Variants in VWC2L observed in about 807,000 individuals in gnomAD.
VWC2L encodes von Willebrand factor C domain-containing protein 2-like.
A neutral mutation model predicts 21.6 loss-of-function variants in VWC2L; 10 were observed. The observed-to-expected ratio is 0.46, with a 90% confidence interval of 0.29 to 0.78. The LOEUF (loss-of-function observed/expected upper bound fraction) is 0.78, where lower values mean the gene tolerates loss of function less well. Ranked by LOEUF, VWC2L falls within the 30% of genes least tolerant of loss-of-function variation. The pLI is 0.10. For missense variants in VWC2L, 209 were observed against 277.1 expected (o/e 0.75, Z 1.74); for synonymous variants, 96 against 94.3 (o/e 1.02, Z -0.10).
At chr2:214,431,248 A>G (rs1368383601) in intron 2 of VWC2L, among the ~76,000 whole-genome samples, 2 of 152,208 alleles carry the variant, frequency 1.3e-5, no homozygotes, top group South Asian at 2.1e-4. Context: ...ATTTTCATAC[A>G]GTTTGAAAGT....
chr2:214,446,076 G>A lies in VWC2L; in HGVS notation c.520+9318G>A, dbSNP rs577819013. 9.9e-5 allele frequency among the ~76,000 whole-genome samples: 15 copies of A among 152,272 alleles called. No individual in the cohort carries two copies. In the South Asian group the frequency reaches 2.3e-3, roughly 23 times the overall value. ...TGAAAAACCAGCTTTTTAAATTTGA[G>A]AATTGGGTGCAAATTGTCCACCTTA... On this transcript the variant is annotated intron_variant, in intron 3 of 3. Coordinates refer to ENST00000312504, the MANE Select transcript of VWC2L (RefSeq NM_001080500.4).
chr2:214,525,327 T>G (rs1689316571), intron 3 of VWC2L: 1 of 152,156 alleles, frequency 6.6e-6, no homozygotes, highest in African/African-American at 2.4e-5. Flanking sequence ...TGCACACAAG[T>G]AGTTCATTCC....
intron 3 of VWC2L, among the ~76,000 whole-genome samples, chr2:214,573,887 T>C (rs1309737953): frequency 6.6e-6 from 1 of 152,222 alleles, no homozygotes; most frequent in African/African-American, 2.4e-5. Context: ...ACACCTGTAA[T>C]CCCAGCACTT....
At chr2:214,527,186 A>C (rs1689354172) in intron 3 of VWC2L, among the ~76,000 whole-genome samples, 1 of 152,158 alleles carries the variant, frequency 6.6e-6, no homozygotes, top group African/African-American at 2.4e-5. Flanking sequence ...TATAAGTGGG[A>C]GTTAACATTG....
chr2:214,483,278 T>C (rs188633262), intron 3 of VWC2L, among the ~76,000 whole-genome samples: 92 of 152,180 alleles, frequency 6.0e-4, no homozygotes, highest in Admixed American at 4.8e-3. Flanking sequence ...TGATGGCAAA[T>C]AGATGGAGAG....
intron 3 of VWC2L, among the ~76,000 whole-genome samples, chr2:214,481,199 A>C (rs1438743581): frequency 6.6e-6 from 1 of 152,186 alleles, no homozygotes; most frequent in Non-Finnish European, 1.5e-5. Context: ...CCACTCCCCA[A>C]AACTGGGCTG....
At chr2:214,478,070 C>T (rs1008416388) in intron 3 of VWC2L, among the ~76,000 whole-genome samples, 1 of 152,140 alleles carries the variant, frequency 6.6e-6, no homozygotes, top group Non-Finnish European at 1.5e-5. Context: ...AATGTCTCAT[C>T]CAAGGTATTA....
chr2:214,522,729 A>AT (rs1436830485), intron 3 of VWC2L, among the ~76,000 whole-genome samples: 4 of 152,212 alleles, frequency 2.6e-5, no homozygotes, highest in Admixed American at 2.6e-4. Flanking sequence ...CCTAATTATC[A>AT]TTACAAGCTA....
At chr2:214,498,101 T>C (rs1688836687) in intron 3 of VWC2L, among the ~76,000 whole-genome samples, 1 of 152,054 alleles carries the variant, frequency 6.6e-6, no homozygotes, top group Non-Finnish European at 1.5e-5. Flanking sequence ...ATCCAACCAG[T>C]CTGCAGTGGG....
intron 2 of VWC2L, among the ~76,000 whole-genome samples, chr2:214,429,193 TAC>T (rs1222579665): frequency 6.6e-6 from 1 of 152,224 alleles, no homozygotes; most frequent in African/African-American, 2.4e-5. Context: ...GTTTTGAAGT[TAC>T]ACAGTTGCTC....
intron 3 of VWC2L, among the ~76,000 whole-genome samples, chr2:214,519,614 C>G (rs1050488112): frequency 3.9e-5 from 6 of 152,182 alleles, no homozygotes; most frequent in African/African-American, 1.4e-4. Context: ...TGGTTAAATT[C>G]TCTCTCAAGT....
At chr2:214,561,520 A>G (rs12622839) in intron 3 of VWC2L, among the ~76,000 whole-genome samples, 104,538 of 151,882 alleles carry the variant, frequency 0.69, 37,698 homozygotes, top group East Asian at 0.83. Context: ...TCATGCCTAT[A>G]ATTTCAGCAC....
chr2:214,498,700 TAC>T (rs1440344844), intron 3 of VWC2L, among the ~76,000 whole-genome samples: 1 of 39,698 alleles, frequency 2.5e-5, no homozygotes, highest in African/African-American at 5.5e-5. Context: ...ATTATACATA[TAC>T]ATATTTTTAT....
At chr2:214,438,247 T>G (rs1702707599) in intron 3 of VWC2L, among the ~76,000 whole-genome samples, 1 of 152,042 alleles carries the variant, frequency 6.6e-6, no homozygotes, top group Non-Finnish European at 1.5e-5. Flanking sequence ...GAGACCAAAC[T>G]GTCATAAAAT....
chr2:214,444,423 AAAAC>A (rs1702808159), intron 3 of VWC2L, among the ~76,000 whole-genome samples: 1 of 152,064 alleles, frequency 6.6e-6, no homozygotes, highest in Non-Finnish European at 1.5e-5. Flanking sequence ...AAAGTTTATT[AAAAC>A]CTATTAAAAA....
At chr2:214,507,085 A>C (rs1688977982) in intron 3 of VWC2L, among the ~76,000 whole-genome samples, 1 of 152,164 alleles carries the variant, frequency 6.6e-6, no homozygotes, top group African/African-American at 2.4e-5. Context: ...CAAATACTAG[A>C]GTATAAGCAT....
chr2:214,515,553 TATTTA>T (rs1559314776), intron 3 of VWC2L, among the ~76,000 whole-genome samples: 1 of 152,084 alleles, frequency 6.6e-6, no homozygotes, highest in African/African-American at 2.4e-5. Context: ...TTATTTATTT[TATTTA>T]TTTATTTATT....
chr2:214,514,685 G>A (rs1000804783), intron 3 of VWC2L, among the ~76,000 whole-genome samples: 1 of 152,142 alleles, frequency 6.6e-6, no homozygotes, highest in African/African-American at 2.4e-5. Flanking sequence ...TCTGTTACTG[G>A]GTCAACAGCC....
intron 3 of VWC2L, among the ~76,000 whole-genome samples, chr2:214,519,913 CAT>C (rs1413083177): frequency 6.6e-6 from 1 of 152,188 alleles, no homozygotes; most frequent in East Asian, 1.9e-4. Context: ...CAATAATCTA[CAT>C]GTTTCAAACA....
Sources: gnomAD v4.1 joint callset for allele counts (sites outside exome capture counted in the v4.1 genomes callset) on GRCh38, gnomAD v4.1.1 for gene constraint, MANE v1.5 for transcripts, NCBI Gene and HGNC (gene_info 2026-07-23, HGNC 2026-07-21) for gene names.